Variants in SNTB1 observed in about 807,000 individuals in gnomAD.
SNTB1 encodes the protein beta-1-syntrophin.
SNTB1 carries 36 observed loss-of-function variants against 48.9 expected under a neutral mutation model. The ratio of observed to expected loss-of-function variants is 0.74; its 90% CI spans 0.56 to 0.97. The LOEUF (loss-of-function observed/expected upper bound fraction) is 0.97. SNTB1 is among the 50% of genes least tolerant of loss of function. The probability of loss-of-function intolerance (pLI) is 0.00; values close to 1 mark genes in which losing one functional copy is unlikely to be tolerated. For synonymous variants in SNTB1, 299 were observed against 294.6 expected, an observed-to-expected ratio of 1.01 and a Z score of -0.15; for missense variants, 786 against 703.4, an observed-to-expected ratio of 1.12 and a Z score of -1.33.
At chr8:120,744,142 G>T (rs1174798567) in intron 1 of SNTB1, among the ~76,000 whole-genome samples, 1 of 126,632 alleles carries the variant, frequency 7.9e-6, no homozygotes, top group Admixed American at 8.9e-5. Context: ...TTTTTGCAAG[G>T]GAATCCCTCA....
intron 1 of SNTB1, among the ~76,000 whole-genome samples, chr8:120,802,118 C>A (rs1435851390): frequency 6.6e-6 from 1 of 152,014 alleles, no homozygotes; most frequent in Non-Finnish European, 1.5e-5. Context: ...TTTCACGAAG[C>A]ACAGGACTAA....
At chr8:120,682,810 A>G (rs1817954797) in intron 2 of SNTB1, among the ~76,000 whole-genome samples, 1 of 152,106 alleles carries the variant, frequency 6.6e-6, no homozygotes, top group African/African-American at 2.4e-5. Context: ...GGTAGAGGGC[A>G]GTCCATAATT....
chr8:120,566,355 G>T (rs973465348), intron 4 of SNTB1, among the ~76,000 whole-genome samples: 30 of 141,248 alleles, frequency 2.1e-4, no homozygotes, highest in Admixed American at 1.7e-3. Flanking sequence ...AAAAAAAAAG[G>T]GTGGGGGAGG....
chr8:120,601,278 A>G (rs1385771518), intron 3 of SNTB1, among the ~76,000 whole-genome samples: 1 of 152,168 alleles, frequency 6.6e-6, no homozygotes, highest in Non-Finnish European at 1.5e-5. Flanking sequence ...CACGCATTAC[A>G]TACCTAAGGA....
chr8:120,752,673 G>A (rs1306635650), intron 1 of SNTB1, among the ~76,000 whole-genome samples: 3 of 152,074 alleles, frequency 2.0e-5, no homozygotes, highest in Middle Eastern at 3.4e-3. Context: ...GCAGCTGGAG[G>A]CCATTATCCT....
chr8:120,721,535 A>T (rs1380489947), intron 1 of SNTB1, among the ~76,000 whole-genome samples: 1 of 152,212 alleles, frequency 6.6e-6, no homozygotes, highest in African/African-American at 2.4e-5. Context: ...TAGTTGAATG[A>T]GCCTTACTAC....
At chr8:120,605,866 T>C (rs990888206) in intron 3 of SNTB1, among the ~76,000 whole-genome samples, 1 of 152,104 alleles carries the variant, frequency 6.6e-6, no homozygotes, top group Non-Finnish European at 1.5e-5. Flanking sequence ...TGCCCCCTTC[T>C]GGGAAAATGC....
At chr8:120,789,767 C>T (rs199706893) in intron 1 of SNTB1, among the ~76,000 whole-genome samples, 2 of 151,746 alleles carry the variant, frequency 1.3e-5, no homozygotes, top group Non-Finnish European at 2.9e-5. Context: ...ACAAAAAAAG[C>T]CCAAGGCCAG....
chr8:120,644,729 A>G (rs1360906787), intron 2 of SNTB1, among the ~76,000 whole-genome samples: 1 of 150,796 alleles, frequency 6.6e-6, no homozygotes, highest in Non-Finnish European at 1.5e-5. Context: ...ATCCCTGAGG[A>G]ATCACCACAC....
At chr8:120,581,880 A>G (rs543326349) in intron 3 of SNTB1, among the ~76,000 whole-genome samples, 1 of 152,106 alleles carries the variant, frequency 6.6e-6, no homozygotes, top group Admixed American at 6.5e-5. Flanking sequence ...TAGTAAAAAT[A>G]TAAAATTAGC....
intron 1 of SNTB1, 63 bp downstream of exon 1, chr8:120,811,210 C>A: frequency 6.6e-7 from 1 of 1,521,824 alleles, no homozygotes; most frequent in Admixed American, 2.0e-5. Context: ...TGTGAGCGTG[C>A]GGGTGGGAAG....
At chr8:120,767,873 C>A (rs887183085) in intron 1 of SNTB1, among the ~76,000 whole-genome samples, 7 of 152,134 alleles carry the variant, frequency 4.6e-5, no homozygotes, top group African/African-American at 1.4e-4. Context: ...CCAAGACTAA[C>A]CCTCTCTCAT....
intron 2 of SNTB1, among the ~76,000 whole-genome samples, chr8:120,681,321 A>G: frequency 6.6e-6 from 1 of 152,210 alleles, no homozygotes; most frequent in East Asian, 1.9e-4. Flanking sequence ...CTAAACTCAC[A>G]GGAGAACAAG....
chr8:120,787,275 G>GA (rs1321138210), intron 1 of SNTB1, among the ~76,000 whole-genome samples: 3 of 151,482 alleles, frequency 2.0e-5, no homozygotes, highest in East Asian at 3.9e-4. Context: ...ACCTAAAAAA[G>GA]AAAAAAATGA....
At chr8:120,749,059 A>G (rs1819170365) in intron 1 of SNTB1, among the ~76,000 whole-genome samples, 1 of 152,254 alleles carries the variant, frequency 6.6e-6, no homozygotes, top group Non-Finnish European at 1.5e-5. Context: ...AATCTAAATT[A>G]TAAAAAATTA....
At chr8:120,586,035 C>A in intron 3 of SNTB1, among the ~76,000 whole-genome samples, 1 of 152,206 alleles carries the variant, frequency 6.6e-6, no homozygotes, top group Admixed American at 6.5e-5. Flanking sequence ...ATCCCTTCAG[C>A]AGTGTTACAC....
At chr8:120,664,413 C>A (rs927449230) in intron 2 of SNTB1, among the ~76,000 whole-genome samples, 2 of 152,174 alleles carry the variant, frequency 1.3e-5, no homozygotes, top group Non-Finnish European at 2.9e-5. Context: ...ATTGGACATA[C>A]TTTAAGTGCA....
chr8:120,570,405 T>C (rs1392221576), intron 4 of SNTB1: 1 of 152,188 alleles, frequency 6.6e-6, no homozygotes, highest in African/African-American at 2.4e-5. Context: ...CTGTTCCCCA[T>C]GGTTCCAATT....
At chr8:120,663,896 T>G (rs76663001) in intron 2 of SNTB1, among the ~76,000 whole-genome samples, 2,221 of 152,306 alleles carry the variant, frequency 0.015, 48 homozygotes, top group African/African-American at 0.05. Flanking sequence ...GAGGGCATTC[T>G]ATTATGACAG....
Sources: gnomAD v4.1 joint callset for allele counts (sites outside exome capture counted in the v4.1 genomes callset) on GRCh38, gnomAD v4.1.1 for gene constraint, MANE v1.5 for transcripts, NCBI Gene and HGNC (gene_info 2026-07-23, HGNC 2026-07-21) for gene names.